The following GALM variants were observed in gnomAD, a reference collection of about 807,000 sequenced individuals.
GALM encodes galactose mutarotase.
In GALM, 43 loss-of-function variants were observed where a neutral mutation model predicts 37.4. The ratio of observed to expected loss-of-function variants is 1.15; its 90% confidence interval spans 0.90 to 1.48. GALM has a LOEUF of 1.48. Among genes scored for constraint, GALM ranks in the 40% most tolerant of loss-of-function variants. The pLI, the probability that GALM is intolerant of heterozygous loss-of-function variation, is 0.00. For synonymous variants in GALM, 199 were observed against 170.6 expected (o/e 1.17, Z -1.30); for missense variants, 456 against 419.1 (o/e 1.09, Z -0.77).
intron 4 of GALM, among the ~76,000 whole-genome samples, chr2:38,726,658 C>G (rs1666492789): frequency 6.6e-6 from 1 of 152,050 alleles, no homozygotes; most frequent in African/African-American, 2.4e-5. Flanking sequence ...GCCTATAATC[C>G]CAGCACTTTG....
intron 6 of GALM, 115 bp from the exon 7 acceptor site, chr2:38,733,373 G>A (rs187237642): frequency 1.9e-4 from 158 of 837,156 alleles, no homozygotes; most frequent in African/African-American, 2.7e-4. Context: ...AACAGTTCCC[G>A]CACTGGCAGC....
intron 4 of GALM, among the ~76,000 whole-genome samples, chr2:38,699,281 T>C (rs1277500144): frequency 2.0e-5 from 3 of 152,220 alleles, no homozygotes; most frequent in Non-Finnish European, 4.4e-5. Context: ...TGATACCTAA[T>C]ACATATTTAC....
At chr2:38,718,044 C>T (rs1666304262) in intron 4 of GALM, among the ~76,000 whole-genome samples, 1 of 151,480 alleles carries the variant, frequency 6.6e-6, no homozygotes, top group Non-Finnish European at 1.5e-5. Flanking sequence ...GCTATGTTGC[C>T]CAGGCTGGTC....
chr2:38,684,860 G>C (rs1294609813), intron 3 of GALM, among the ~76,000 whole-genome samples: 1 of 152,104 alleles, frequency 6.6e-6, no homozygotes, highest in African/African-American at 2.4e-5. Flanking sequence ...TACCGAAAGA[G>C]TTATGAAAGC....
At chr2:38,698,673 T>G (rs372210031) in intron 4 of GALM, among the ~76,000 whole-genome samples, 1 of 152,206 alleles carries the variant, frequency 6.6e-6, no homozygotes. Context: ...TAGAACTCCC[T>G]GAAGCTGTTT....
At chr2:38,679,416 A>T (rs1189077244) in intron 2 of GALM, among the ~76,000 whole-genome samples, 1 of 152,122 alleles carries the variant, frequency 6.6e-6, no homozygotes, top group East Asian at 1.9e-4. Flanking sequence ...ACTCCACTGA[A>T]CTCAATTTGC....
At chr2:38,692,170 T>C (rs993572737) in intron 4 of GALM, among the ~76,000 whole-genome samples, 1 of 152,146 alleles carries the variant, frequency 6.6e-6, no homozygotes, top group Non-Finnish European at 1.5e-5. Context: ...CTCCTACCTA[T>C]CCATACTTGA....
chr2:38,728,316 C>A (rs1666527320), intron 4 of GALM, among the ~76,000 whole-genome samples: 1 of 151,960 alleles, frequency 6.6e-6, no homozygotes, highest in Non-Finnish European at 1.5e-5. Flanking sequence ...ATCACTTGAA[C>A]CTGGGAGGCA....
chr2:38,686,276 C>CTTTCTTTCTTTCTTTCCTTCT (rs1294189123), intron 3 of GALM, among the ~76,000 whole-genome samples: 1 of 99,034 alleles, frequency 1.0e-5, no homozygotes, highest in African/African-American at 4.3e-5. Context: ...TTCTTTCTTT[C>CTTTCTTTCTTTCTTTCCTTCT]TTATTTTGAG....
At chr2:38,721,458 C>T (rs1666374080) in intron 4 of GALM, among the ~76,000 whole-genome samples, 1 of 152,152 alleles carries the variant, frequency 6.6e-6, no homozygotes, top group Non-Finnish European at 1.5e-5. Context: ...GTCACTCTAA[C>T]ATCACTCTTG....
chr2:38,687,359 C>A (rs980325917), intron 3 of GALM, among the ~76,000 whole-genome samples: 1 of 152,136 alleles, frequency 6.6e-6, no homozygotes, highest in Non-Finnish European at 1.5e-5. Context: ...CTGGCTTTGT[C>A]CCCCACCCAC....
At chr2:38,714,007 T>G (rs559710573) in intron 4 of GALM, among the ~76,000 whole-genome samples, 12 of 152,090 alleles carry the variant, frequency 7.9e-5, no homozygotes, top group Non-Finnish European at 1.5e-4. Flanking sequence ...TTATTGGTTG[T>G]GACAACTAAA....
At chr2:38,678,456 T>A (rs1006103951) in intron 2 of GALM, among the ~76,000 whole-genome samples, 3 of 152,202 alleles carry the variant, frequency 2.0e-5, no homozygotes, top group African/African-American at 7.2e-5. Flanking sequence ...CCAATCATAT[T>A]GGTTTACACA....
At chr2:38,716,696 A>G (rs1237157876) in intron 4 of GALM, among the ~76,000 whole-genome samples, 1 of 152,174 alleles carries the variant, frequency 6.6e-6, no homozygotes, top group Non-Finnish European at 1.5e-5. Flanking sequence ...AAAACAGAAT[A>G]AGCCAGGCAC....
intron 4 of GALM, among the ~76,000 whole-genome samples, chr2:38,717,627 C>G (rs1666296381): frequency 6.6e-6 from 1 of 150,712 alleles, no homozygotes; most frequent in Non-Finnish European, 1.5e-5. Context: ...CTCGAACTCC[C>G]GGCCTCAAGT....
chr2:38,710,299 G>A (rs1321009505), intron 4 of GALM, among the ~76,000 whole-genome samples: 2 of 152,170 alleles, frequency 1.3e-5, no homozygotes, highest in Non-Finnish European at 2.9e-5. Flanking sequence ...CTATAAAATA[G>A]TTACTCCCCT....
intron 2 of GALM, 129 bp from the exon 3 acceptor site, chr2:38,681,151 T>C: frequency 5.1e-6 from 4 of 779,604 alleles, no homozygotes; most frequent in Non-Finnish European, 6.6e-6. Flanking sequence ...AAATCCAGGC[T>C]ATCATTAAAA....
chr2:38,712,624 G>A lies in GALM; in HGVS notation c.635-16932G>A, dbSNP rs146348323. The stretch of plus-strand genomic sequence containing the variant: ...AATCCCCGCAGATAGTTAGATCTAG[G>A]AGACTGTCCCTGGGCTTCAGGGCTC... On this transcript the variant is annotated intron_variant, in intron 4 of 6. Coordinates refer to ENST00000272252, the MANE Select transcript of GALM (RefSeq NM_138801.3). 4.3e-3 allele frequency among the ~76,000 whole-genome samples: 661 copies of A among 152,248 alleles called. 7 individuals are homozygous for A. The highest frequency in any genetic ancestry group is 6.4e-3 in the Admixed American group (98 of 15,292).
At chr2:38,730,154 A>G (rs982294312) in intron 5 of GALM, among the ~76,000 whole-genome samples, 2 of 152,130 alleles carry the variant, frequency 1.3e-5, no homozygotes, top group Admixed American at 1.3e-4. Context: ...CTTCTCACCA[A>G]ATCCCAGTTC....
Sources: allele counts gnomAD v4.1 joint callset (sites outside exome capture counted in the v4.1 genomes callset), GRCh38; gene constraint gnomAD v4.1.1; transcripts MANE v1.5; gene names NCBI Gene and HGNC (gene_info 2026-07-23, HGNC 2026-07-21).